LTK: variants seen among roughly 807,000 people sequenced by gnomAD.
LTK encodes the protein leukocyte tyrosine kinase receptor.
In LTK, 117 loss-of-function variants were observed where a neutral mutation model predicts 101.5. That is an observed-to-expected ratio of 1.15 (90% CI 0.99 to 1.34). The LOEUF (loss-of-function observed/expected upper bound fraction) is 1.34, where lower values mean the gene tolerates loss of function less well. Among genes scored for constraint, LTK ranks in the 40% most tolerant of loss-of-function variants. The pLI is 0.00. For synonymous variants in LTK, 563 were observed against 494.2 expected (o/e 1.14, Z -1.85); for missense variants, 1,252 against 1,164.7 (o/e 1.07, Z -1.09).
rs986133166 is a variant in LTK at position 41,511,393 on chromosome 15, C to T, written c.814+29G>A. 4.2e-5 allele frequency: 58 copies of T among 1,371,782 alleles called. No individual in the cohort carries two copies. Among genetic ancestry groups the T allele is most frequent in the Non-Finnish European group, 5.0e-5 (54 of 1,071,428 alleles). 85.0% of individuals were successfully genotyped at this position (1,371,782 alleles called of 1,614,324 possible). On this transcript the variant is annotated intron_variant, in intron 6 of 19. Coordinates refer to ENST00000263800, the MANE Select transcript of LTK (RefSeq NM_002344.6). This position sits in a 1 kb window ranked among gnomAD's most constrained non-coding sequence, Gnocchi z 5.9. ...GTTGGCAGCCACACGGGGAGCACGC[C>T]CGCCTCTCCCCGCGGCCCGCGCCCT...
chr15:41,513,345 GA>G (rs950692732), intron 1 of LTK, among the ~76,000 whole-genome samples: 7 of 152,196 alleles, frequency 4.6e-5, no homozygotes, highest in Admixed American at 1.3e-4. Context: ...CTTTCCCAGT[GA>G]ATAACTTAGG....
intron 3 of LTK, among the ~76,000 whole-genome samples, 154 bp from the exon 4 acceptor site, chr15:41,512,419 A>T (rs1326288664): frequency 6.6e-6 from 1 of 152,204 alleles, no homozygotes; most frequent in Non-Finnish European, 1.5e-5. Flanking sequence ...GTAGGTTTGC[A>T]CACCGAAAAA....
chr15:41,509,996 C>T (rs892102410), intron 7 of LTK, among the ~76,000 whole-genome samples: 5 of 152,122 alleles, frequency 3.3e-5, no homozygotes, highest in Admixed American at 2.0e-4. Context: ...ATAATCTACG[C>T]TCTTACCAAT....
At chr15:41,509,197 C>A (rs572661941) in intron 7 of LTK, 68 bp from the exon 8 acceptor site, 2 of 943,684 alleles carry the variant, frequency 2.1e-6, no homozygotes, top group African/African-American at 3.2e-5. Flanking sequence ...TGGAATCTCC[C>A]GGTGGAAATC....
At position 41,503,770 on chromosome 15, in the gene LTK, C is replaced by A. The variant is rs1211913745; in HGVS notation, c.*226G>T. 1.6e-6 allele frequency: 1 copy of A among 620,374 alleles called. No individual in the cohort carries two copies. The highest frequency in any genetic ancestry group is 2.9e-6 in the Non-Finnish European group (1 of 348,412). The allele number at this position is 620,374 out of a possible 1,614,324, so 38.4% of individuals were successfully genotyped here. On this transcript the variant is annotated 3_prime_UTR_variant, in exon 20 of 20. Transcript: ENST00000263800. ...GGGGTGTGTGTAAGGCGGCCTCTGG[C>A]CCCAAGATCAAAAGCTGGAAGTGGC... is the stretch of plus-strand genomic sequence containing the variant.
At chr15:41,512,663 C>G in intron 3 of LTK, 44 bp downstream of exon 3, 1 of 1,497,022 alleles carries the variant, frequency 6.7e-7, no homozygotes, top group Non-Finnish European at 8.9e-7. Context: ...GTGAAACCTC[C>G]AACTAGCAGG....
rs753169124 is a variant in LTK, at chr15:41,511,505, T to TC, written c.730dup (p.Asp244GlyfsTer97). ...GGGGGAGGCCTGAGTCCGGCCTCGGTCCCGCGGCCTCAGGTAGGCCCGACC... is the reference window on the plus strand; with the variant it reads ...GGGGGAGGCCTGAGTCCGGCCTCGGTCCCCGCGGCCTCAGGTAGGCCCGACC... On this transcript the variant is annotated frameshift_variant, in exon 6 of 20. Coordinates refer to ENST00000263800, the MANE Select transcript of LTK (RefSeq NM_002344.6). LOFTEE classifies it high-confidence loss of function. This position sits in a 1 kb window ranked among gnomAD's most constrained non-coding sequence, Gnocchi z 5.9. 4.7e-6 allele frequency: 7 copies of TC among 1,476,362 alleles called. No homozygotes were observed. The highest frequency in any genetic ancestry group is 6.2e-6 in the Non-Finnish European group (7 of 1,123,940). The allele number at this position is 1,476,362 out of a possible 1,614,324, so 91.5% of individuals were successfully genotyped here. A position where few individuals can be genotyped will look rare whatever the true frequency, so the allele number is the denominator to read the frequency against.
intron 11 of LTK, among the ~76,000 whole-genome samples, chr15:41,506,585 G>A (rs967939692): frequency 9.9e-5 from 15 of 151,216 alleles, no homozygotes; most frequent in South Asian, 4.2e-4. Flanking sequence ...GATTACAGGC[G>A]CCAGATCATA....
At chr15:41,509,241 G>A in intron 7 of LTK, 112 bp from the exon 8 acceptor site, 1 of 734,632 alleles carries the variant, frequency 1.4e-6, no homozygotes, top group South Asian at 1.5e-5. Context: ...GCATCATGAT[G>A]CAAATGCTGT....
At position 41,508,144 on chromosome 15, in the gene LTK, G is replaced by C. The variant is rs755878183; in HGVS notation, c.1174C>G (p.Gln392Glu). ...CATTCAGCCAGCTGGAGCTCTGCCT[G>C]CCATTGGCAGTCTCTCAAAGGGCAG... ...SHCPLRDCQW[Q>E]AELQLAECLC... Residue 392 changes from glutamine (Q) to glutamate (E), a missense_variant, in exon 9 of 20, where the codon CAG (glutamine) becomes GAG (glutamate). Gln to Glu is a conservative substitution (Grantham distance 29). Transcript: ENST00000263800. 2 of 1,613,524 alleles carry C rather than the reference G, an allele frequency of 1.2e-6. No individual in the cohort carries two copies. The highest frequency in any genetic ancestry group is 4.5e-5 in the East Asian group (2 of 44,860).
chr15:41,513,807 C>T lies in LTK; in HGVS notation c.-98G>A. 6.5e-6 allele frequency: 7 copies of T among 1,084,816 alleles called. No homozygotes were observed. In the South Asian group the frequency reaches 8.8e-5, roughly 14 times the overall value. 67.2% of individuals were successfully genotyped at this position (1,084,816 alleles called of 1,614,324 possible). On this transcript the variant is annotated 5_prime_UTR_variant, in exon 1 of 20. Transcript: ENST00000263800. Reference sequence around the variant, plus strand: ...CTCATTTTGCCACGGCAGCCCTGGCCACCACTTACAGGGGTGTGCTGCCGC... The same window carrying T: ...CTCATTTTGCCACGGCAGCCCTGGCTACCACTTACAGGGGTGTGCTGCCGC...
chr15:41,511,523 GC>G lies in LTK; in HGVS notation c.712del (p.Ala238ProfsTer3). 4.8e-6 allele frequency: 7 copies of G among 1,469,512 alleles called. No individual in the cohort carries two copies. Among genetic ancestry groups the G allele is most frequent in the African/African-American group, 1.5e-5 (1 of 67,478 alleles). The allele number at this position is 1,469,512 out of a possible 1,614,324, so 91.0% of individuals were successfully genotyped here. ...LLVAAGGGGR[A>X]YLRPRDRGRT... ...GCCTCGGTCCCGCGGCCTCAGGTAG[GC>G]CCGACCGCCGCCTCCGGCCGCCACC... On this transcript the variant is annotated frameshift_variant, in exon 6 of 20. Coordinates refer to ENST00000263800, the MANE Select transcript of LTK (RefSeq NM_002344.6). LOFTEE classifies it high-confidence loss of function. This position sits in a 1 kb window ranked among gnomAD's most constrained non-coding sequence, Gnocchi z 5.9.
At chr15:41,507,038 G>C (rs1055822936) in intron 11 of LTK, 57 bp downstream of exon 11, 12 of 1,503,844 alleles carry the variant, frequency 8.0e-6, no homozygotes, top group Non-Finnish European at 1.1e-5. Context: ...AGCAGGGAGA[G>C]AATCAGAGGT....
Position 41,512,729 on chromosome 15 carries a change from C to A in LTK, c.337G>T (p.Val113Leu). Reference sequence around the variant, plus strand: ...TACAGATACTGGCCAGGGCCCGGCACGCGCCACAGCTGCACGCCTCTCAGC... The same window carrying A: ...TACAGATACTGGCCAGGGCCCGGCAAGCGCCACAGCTGCACGCCTCTCAGC... The part of the protein sequence containing the change: ...GQLRGVQLWR[V>L]PGPGQYLISA... Residue 113 changes from valine (V) to leucine (L), a missense_variant, in exon 3 of 20, where the codon GTG becomes TTG. Physicochemically the swap from Val to Leu is conservative, Grantham distance 32 (BLOSUM62 1). Transcript: ENST00000263800. 1.9e-6 allele frequency: 3 copies of A among 1,600,382 alleles called. No homozygotes were observed. Among genetic ancestry groups the A allele is most frequent in the Non-Finnish European group, 2.6e-6 (3 of 1,175,642 alleles).
rs373898829 is a variant in LTK at position 41,504,674 on chromosome 15, G to A, written c.2121-34C>T. On this transcript the variant is annotated intron_variant, in intron 17 of 19. Transcript: ENST00000263800. ...CAAGTGGGGGAACCAAGTGAGGCCCGTCAGGTGTAGCCTCCCCTCACATGA... is the reference window on the plus strand; with the variant it reads ...CAAGTGGGGGAACCAAGTGAGGCCCATCAGGTGTAGCCTCCCCTCACATGA... 23 of 1,607,880 alleles carry A rather than the reference G, an allele frequency of 1.4e-5. 1 individual carries two copies. Among genetic ancestry groups the A allele is most frequent in the South Asian group, 1.3e-4 (12 of 90,358 alleles).
rs370151127 is a variant in LTK at position 41,507,579 on chromosome 15, C to T, written c.1328G>A (p.Cys443Tyr). Residue 443 changes from cysteine (C) to tyrosine (Y), a missense_variant, in exon 10 of 20, where the codon TGT becomes TAT. By Grantham distance (194) the Cys-to-Tyr change is radical. Transcript: ENST00000263800. Reference protein sequence around the residue: ...ATSTLSLLMVCGVLILVKQKK... With the variant: ...ATSTLSLLMVYGVLILVKQKK... Reference sequence around the variant, plus strand: ...CTTCGTACCCAGAATCAGGACCCCACACACCATAAGGAGGCTCAGTGTTGA... The same window carrying T: ...CTTCGTACCCAGAATCAGGACCCCATACACCATAAGGAGGCTCAGTGTTGA... The T allele has an allele frequency of 8.7e-6, 14 of 1,613,812 alleles. No individual in the cohort carries two copies. In the African/African-American group the frequency reaches 1.5e-4, roughly 17 times the overall value.
In LTK at chr15:41,504,533, T is replaced by G. The variant is rs746203459; in HGVS notation, c.2228A>C (p.Asp743Ala). Residue 743 changes from aspartate (D) to alanine (A), a missense_variant, in exon 18 of 20, where the codon GAC becomes GCC. Physicochemically the swap from Asp to Ala is moderately radical, Grantham distance 126 (BLOSUM62 -2). Transcript: ENST00000263800. ...AGGCCCTGGGCAGCCCCTAGGAGGG[T>G]CCATCCGGCCTCCTCCAACGACGAA... ...LDFVVGGGRM[D>A]PPRGCPGPVY... 3.1e-6 allele frequency: 5 copies of G among 1,613,426 alleles called. No homozygotes were observed. The African/African-American group carries it at 6.7e-5, about 22-fold the overall frequency.
chr15:41,511,115 C>A lies in LTK; in HGVS notation c.997+49G>T, dbSNP rs780052802. On this transcript the variant is annotated intron_variant, in intron 7 of 19. Transcript: ENST00000263800. The surrounding 1 kb of genome is among the most constrained non-coding windows in gnomAD (Gnocchi z 5.9). Reference sequence around the variant, plus strand: ...CCGGCCTGTACTTAGGTTCTAACATCACCTCACCCTCGGGCCTGCTCAGCT... The same window carrying A: ...CCGGCCTGTACTTAGGTTCTAACATAACCTCACCCTCGGGCCTGCTCAGCT... The A allele has an allele frequency of 7.4e-7, 1 of 1,342,998 alleles. No individual in the cohort carries two copies. The highest frequency in any genetic ancestry group is 9.5e-7 in the Non-Finnish European group (1 of 1,050,318). The allele number at this position is 1,342,998 out of a possible 1,614,324, so 83.2% of individuals were successfully genotyped here.
At chr15:41,510,531 G>A (rs541226373) in intron 7 of LTK, among the ~76,000 whole-genome samples, 4 of 151,332 alleles carry the variant, frequency 2.6e-5, no homozygotes, top group East Asian at 2.0e-4. Flanking sequence ...GAGTGATCTC[G>A]GCTCACTGCA....
Sources: allele counts gnomAD v4.1 joint callset (sites outside exome capture counted in the v4.1 genomes callset), GRCh38; gene constraint gnomAD v4.1.1; non-coding constraint Gnocchi (gnomAD v3.1); transcripts MANE v1.5; gene names NCBI Gene and HGNC (gene_info 2026-07-23, HGNC 2026-07-21).